The following TENM3 variants were observed in gnomAD, a reference collection of about 807,000 sequenced individuals.
The protein encoded by TENM3 is teneurin-3.
In TENM3, 63 loss-of-function variants were observed where a neutral mutation model predicts 255.1. The ratio of observed to expected loss-of-function variants is 0.25; its 90% CI spans 0.20 to 0.30. TENM3 has a LOEUF of 0.30. TENM3 is among the 10% of genes least tolerant of loss of function. The probability of loss-of-function intolerance (pLI) is 1.00; values close to 1 mark genes in which losing one functional copy is unlikely to be tolerated. For synonymous variants in TENM3, 1,306 were observed against 1,322.3 expected, an observed-to-expected ratio of 0.99 and a Z score of 0.27; for missense variants, 2,929 against 3,461.1, an observed-to-expected ratio of 0.85 and a Z score of 3.86.
the TENM3 span, among the ~76,000 whole-genome samples, chr4:181,668,992 G>T: frequency 2.0e-5 from 3 of 152,140 alleles, no homozygotes; most frequent in African/African-American, 7.2e-5. Flanking sequence ...AATATTCTCT[G>T]TTACCTAGTG....
At chr4:181,608,449 G>T in the TENM3 span, among the ~76,000 whole-genome samples, 1 of 152,160 alleles carries the variant, frequency 6.6e-6, no homozygotes, top group Non-Finnish European at 1.5e-5. Context: ...GGTCTCTGGG[G>T]AAAAGTATCC....
the TENM3 span, among the ~76,000 whole-genome samples, chr4:181,863,077 T>A: frequency 6.6e-6 from 1 of 152,062 alleles, no homozygotes; most frequent in Admixed American, 6.6e-5. Context: ...GTGGGCTGAT[T>A]TATATACATT....
the TENM3 span, among the ~76,000 whole-genome samples, chr4:181,595,152 T>C: frequency 6.6e-6 from 1 of 152,044 alleles, no homozygotes; most frequent in Non-Finnish European, 1.5e-5. Flanking sequence ...AGAACTAGGC[T>C]GGGTGTGGTG....
At chr4:181,548,292 C>A in the TENM3 span, among the ~76,000 whole-genome samples, 3 of 152,148 alleles carry the variant, frequency 2.0e-5, no homozygotes, top group African/African-American at 7.2e-5. Flanking sequence ...TCCATTTGAC[C>A]CAGCCATCCC....
intron 3 of TENM3, among the ~76,000 whole-genome samples, chr4:182,442,796 G>A (rs906551658): frequency 4.0e-5 from 6 of 151,190 alleles, no homozygotes; most frequent in Admixed American, 4.0e-4. Context: ...ATGTGTGTGT[G>A]TGTGTGTGTA....
intron 2 of TENM3, among the ~76,000 whole-genome samples, chr4:182,341,442 C>A (rs528710127): frequency 6.6e-6 from 1 of 152,200 alleles, no homozygotes; most frequent in East Asian, 1.9e-4. Flanking sequence ...TGGGATTATA[C>A]TATATACATA....
chr4:181,977,039 C>G, the TENM3 span, among the ~76,000 whole-genome samples: 9 of 152,182 alleles, frequency 5.9e-5, no homozygotes, highest in African/African-American at 2.2e-4. Flanking sequence ...CTTAGTTGAG[C>G]CAGCTCGAGC....
chr4:182,362,756 C>A (rs1053842691), intron 3 of TENM3, among the ~76,000 whole-genome samples: 14 of 152,182 alleles, frequency 9.2e-5, no homozygotes, highest in Admixed American at 5.9e-4. Flanking sequence ...TCTGGCACTC[C>A]CTAGTGAGAT....
At chr4:182,320,107 C>A (rs1195813266) in intron 1 of TENM3, among the ~76,000 whole-genome samples, 1 of 35,706 alleles carries the variant, frequency 2.8e-5, no homozygotes, top group East Asian at 2.5e-4. Context: ...AGTGAAACTC[C>A]GTCTAAAAAA....
the TENM3 span, among the ~76,000 whole-genome samples, chr4:181,982,941 C>T: frequency 4.6e-5 from 7 of 151,986 alleles, no homozygotes; most frequent in Non-Finnish European, 8.8e-5. Flanking sequence ...GGTTGGGGGT[C>T]GATAGGGTTG....
At chr4:182,713,424 G>A (rs2152676750) in intron 12 of TENM3, among the ~76,000 whole-genome samples, 1 of 152,296 alleles carries the variant, frequency 6.6e-6, no homozygotes, top group Non-Finnish European at 1.5e-5. Flanking sequence ...TAGATGCTAA[G>A]CTGCTTCACT....
chr4:182,222,364 G>A lies in TENM3; in HGVS notation c.-76+77610G>A, dbSNP rs796601920. Among the ~76,000 whole-genome samples the A allele has an allele frequency of 1.4e-4, 22 of 152,272 alleles. 1 individual carries two copies. Among genetic ancestry groups the A allele is most frequent in the African/African-American group, 5.3e-4 (22 of 41,546 alleles). On this transcript the variant is annotated intron_variant, in intron 1 of 2. Transcript: ENST00000512480. ...TGCACATATGCTATCAACAAATCTC[G>A]CTTAACTCCTTCCTGCTCACATTCC...
chr4:181,836,406 A>G, the TENM3 span, among the ~76,000 whole-genome samples: 1 of 152,126 alleles, frequency 6.6e-6, no homozygotes, highest in African/African-American at 2.4e-5. Flanking sequence ...AACTTCTTAA[A>G]TAATATATTT....
intron 13 of TENM3, among the ~76,000 whole-genome samples, chr4:182,721,766 C>T (rs767466430): frequency 8.5e-5 from 13 of 152,124 alleles, no homozygotes; most frequent in Non-Finnish European, 1.8e-4. Flanking sequence ...TGAAAAATAT[C>T]AATTTTGTCT....
the TENM3 span, among the ~76,000 whole-genome samples, chr4:181,658,108 A>G: frequency 1.4e-4 from 21 of 152,188 alleles, no homozygotes; most frequent in Non-Finnish European, 4.4e-5. Context: ...TATACTCTTT[A>G]TAACAAACCT....
intron 6 of TENM3, among the ~76,000 whole-genome samples, chr4:182,664,651 G>A (rs921279078): frequency 6.6e-6 from 1 of 152,180 alleles, no homozygotes. Context: ...GTGCAAAGGA[G>A]AAGTTTTTAA....
chr4:181,680,415 G>T, the TENM3 span, among the ~76,000 whole-genome samples: 3 of 152,188 alleles, frequency 2.0e-5, no homozygotes, highest in South Asian at 6.2e-4. Flanking sequence ...GCTGAGATTT[G>T]ATTGGATCTA....
chr4:181,497,096 C>G, the TENM3 span, among the ~76,000 whole-genome samples: 31 of 152,194 alleles, frequency 2.0e-4, no homozygotes, highest in African/African-American at 7.2e-4. Context: ...ACGACTTTTT[C>G]TAGGCATTTG....
the TENM3 span, among the ~76,000 whole-genome samples, chr4:181,598,223 A>G: frequency 6.6e-6 from 1 of 152,204 alleles, no homozygotes; most frequent in East Asian, 1.9e-4. Context: ...TTTACAACAC[A>G]AAATTCAACA....
Sources: allele counts gnomAD v4.1 joint callset (sites outside exome capture counted in the v4.1 genomes callset), GRCh38; gene constraint gnomAD v4.1.1; transcripts MANE v1.5; gene names NCBI Gene and HGNC (gene_info 2026-07-23, HGNC 2026-07-21).